The following CRIM1 variants were observed in gnomAD, a reference collection of about 807,000 sequenced individuals.
CRIM1 encodes cysteine rich transmembrane BMP regulator 1.
A neutral mutation model predicts 116.4 loss-of-function variants in CRIM1; 32 were observed. That is an observed-to-expected ratio of 0.27 (90% CI 0.21 to 0.37). The LOEUF (loss-of-function observed/expected upper bound fraction) is 0.37, where lower values mean the gene tolerates loss of function less well. CRIM1 is among the 10% of genes least tolerant of loss of function. The pLI is 1.00. For missense variants in CRIM1, 1,331 were observed against 1,354.8 expected, an observed-to-expected ratio of 0.98 and a Z score of 0.28; for synonymous variants, 590 against 509.2, an observed-to-expected ratio of 1.16 and a Z score of -2.13.
At chr2:36,460,167 T>A (rs187220012) in intron 4 of CRIM1, among the ~76,000 whole-genome samples, 21 of 152,302 alleles carry the variant, frequency 1.4e-4, no homozygotes, top group African/African-American at 4.3e-4. Context: ...TATGCAAAAA[T>A]TTATTAATGT....
In CRIM1 at chr2:36,356,367, G is replaced by T; in HGVS notation, c.75G>T (p.Leu25=). The T allele has an allele frequency of 2.5e-6, 4 of 1,595,138 alleles. No homozygotes were observed. Among genetic ancestry groups the T allele is most frequent in the South Asian group, 1.1e-5 (1 of 88,948 alleles). ...TGGTCTCGCTGCTGGGGCTGCTGCT[G>T]CTGCTGGCGCGCTCCGGCACCCGGG... ...HLLVSLLGLL[L]LLARSGTRAL... is the part of the protein sequence containing the mutation. The change falls in exon 1 of 17, where the codon CTG becomes CTT. Residue 25 remains leucine (L), a synonymous_variant. Transcript: ENST00000280527. The surrounding 1 kb of genome is among the most constrained non-coding windows in gnomAD (Gnocchi z 4.3).
chr2:36,425,722 C>G (rs1054047225), intron 2 of CRIM1, among the ~76,000 whole-genome samples: 1 of 152,158 alleles, frequency 6.6e-6, no homozygotes, highest in African/African-American at 2.4e-5. Flanking sequence ...GTGGTGCCTT[C>G]TGATGCATTC....
chr2:36,546,763 ATTTTTTTTTTTTTTT>A (rs775086985), intron 15 of CRIM1, among the ~76,000 whole-genome samples: 1 of 101,850 alleles, frequency 9.8e-6, no homozygotes, highest in South Asian at 3.5e-4. Context: ...TCTCACTCTG[ATTTTTTTTTTTTTTT>A]TTTTTTTTTT....
At chr2:36,513,515 CA>C in intron 10 of CRIM1, 40 bp from the exon 11 acceptor site, 1 of 1,531,818 alleles carries the variant, frequency 6.5e-7, no homozygotes, top group Non-Finnish European at 9.0e-7. Flanking sequence ...TTCTCCTGTG[CA>C]GTAGCCACTT....
At chr2:36,503,699 A>C (rs1037843100) in intron 8 of CRIM1, among the ~76,000 whole-genome samples, 6 of 152,118 alleles carry the variant, frequency 3.9e-5, no homozygotes, top group Non-Finnish European at 8.8e-5. Context: ...ATAGCCAACT[A>C]TGGAATAATA....
intron 10 of CRIM1, chr2:36,513,194 C>G (rs1267649406): frequency 8.2e-6 from 2 of 243,192 alleles, no homozygotes; most frequent in Non-Finnish European, 1.6e-5. Context: ...CAGGATGTCC[C>G]CATTGGATGA....
chr2:36,424,884 G>T (rs7419733), intron 2 of CRIM1, among the ~76,000 whole-genome samples: 24,812 of 152,024 alleles, frequency 0.16, 2,580 homozygotes, highest in East Asian at 0.55. Context: ...CAGATTGCCT[G>T]CAGTCACCTC....
At chr2:36,531,429 T>G (rs1293160609) in intron 13 of CRIM1, among the ~76,000 whole-genome samples, 2 of 151,774 alleles carry the variant, frequency 1.3e-5, no homozygotes, top group African/African-American at 2.4e-5. Flanking sequence ...CAGAGGCTCA[T>G]GTATATCCTA....
In CRIM1 at chr2:36,537,941, A is replaced by C. The variant is rs1666668348; in HGVS notation, c.2623+395A>C. On this transcript the variant is annotated intron_variant, in intron 14 of 16. Transcript: ENST00000280527. ...AGCCATTACACTGTGAAAATATATTAGAACCAAAGTGGAAGACCTGCATTT... is the reference window on the plus strand; with the variant it reads ...AGCCATTACACTGTGAAAATATATTCGAACCAAAGTGGAAGACCTGCATTT... Among the ~76,000 whole-genome samples, 3 of 152,232 alleles carry C rather than the reference A, an allele frequency of 2.0e-5. No homozygotes were observed. The South Asian group carries it at 6.2e-4, about 32-fold the overall frequency.
chr2:36,427,205 A>G (rs1674522023), intron 2 of CRIM1, among the ~76,000 whole-genome samples: 2 of 151,924 alleles, frequency 1.3e-5, no homozygotes, highest in African/African-American at 2.4e-5. Flanking sequence ...TGTCTCAAAA[A>G]AAAAAAAGAA....
intron 1 of CRIM1, among the ~76,000 whole-genome samples, chr2:36,369,962 G>T (rs753939175): frequency 3.5e-4 from 54 of 152,206 alleles, no homozygotes; most frequent in Admixed American, 5.9e-4. Context: ...TTATGGATGT[G>T]CTGGAAACAA....
chr2:36,389,185 T>C (rs976269563), intron 1 of CRIM1, among the ~76,000 whole-genome samples: 59 of 152,250 alleles, frequency 3.9e-4, no homozygotes, highest in African/African-American at 1.4e-3. Flanking sequence ...CCCTTCCTGC[T>C]TTGCACTGAT....
chr2:36,461,340 T>G (rs1677565578), intron 4 of CRIM1, among the ~76,000 whole-genome samples: 1 of 152,198 alleles, frequency 6.6e-6, no homozygotes, highest in South Asian at 2.1e-4. Flanking sequence ...GCTTGCTCCT[T>G]ATCCAGAGAT....
chr2:36,452,211 C>T (rs1676788369), intron 4 of CRIM1, among the ~76,000 whole-genome samples: 1 of 151,834 alleles, frequency 6.6e-6, no homozygotes, highest in South Asian at 2.1e-4. Context: ...ATAATTTCTC[C>T]AGCTGCTTTT....
intron 15 of CRIM1, among the ~76,000 whole-genome samples, chr2:36,545,657 TTGA>T (rs1667273481): frequency 1.3e-5 from 2 of 152,196 alleles, no homozygotes. Context: ...AAAGCTAACT[TTGA>T]TGGCTTGGTT....
intron 12 of CRIM1, among the ~76,000 whole-genome samples, chr2:36,517,746 T>C (rs549024248): frequency 6.6e-6 from 1 of 152,304 alleles, no homozygotes; most frequent in African/African-American, 2.4e-5. Flanking sequence ...GCCTCACACC[T>C]GAGATGACTG....
At chr2:36,529,980 C>T (rs1666003982) in intron 13 of CRIM1, among the ~76,000 whole-genome samples, 1 of 152,110 alleles carries the variant, frequency 6.6e-6, no homozygotes, top group Non-Finnish European at 1.5e-5. Context: ...TAGGAGTCAG[C>T]CGACATGACA....
At chr2:36,456,185 G>A (rs1220696771) in intron 4 of CRIM1, among the ~76,000 whole-genome samples, 1 of 152,058 alleles carries the variant, frequency 6.6e-6, no homozygotes, top group Non-Finnish European at 1.5e-5. Flanking sequence ...CTCCCATTGT[G>A]TTCTCATTTG....
At chr2:36,540,114 A>G (rs848515) in intron 14 of CRIM1, among the ~76,000 whole-genome samples, 112,848 of 151,960 alleles carry the variant, frequency 0.74, 42,497 homozygotes, top group East Asian at 0.98. Context: ...TGACATGGAA[A>G]CCAGGTGGAG....
Sources: allele counts gnomAD v4.1 joint callset (sites outside exome capture counted in the v4.1 genomes callset), GRCh38; gene constraint gnomAD v4.1.1; non-coding constraint Gnocchi (gnomAD v3.1); transcripts MANE v1.5; gene names NCBI Gene and HGNC (gene_info 2026-07-23, HGNC 2026-07-21).